Variants in NPSR1 observed in about 807,000 individuals in gnomAD.
NPSR1 encodes the protein neuropeptide S receptor 1.
NPSR1 carries 48 observed loss-of-function variants against 46.9 expected under a neutral mutation model. The ratio of observed to expected loss-of-function variants is 1.02; its 90% CI spans 0.81 to 1.30. The LOEUF (loss-of-function observed/expected upper bound fraction) is 1.30, where lower values mean the gene tolerates loss of function less well. NPSR1 is among the 50% of genes most tolerant of loss of function. The probability of loss-of-function intolerance (pLI) is 0.00; values close to 1 mark genes in which losing one functional copy is unlikely to be tolerated. For synonymous variants in NPSR1, 176 were observed against 168.1 expected (o/e 1.05, Z -0.36); for missense variants, 450 against 449.5 (o/e 1.00, Z -0.01).
At chr7:34,772,612 T>C (rs937948388) in intron 2 of NPSR1, among the ~76,000 whole-genome samples, 3 of 152,182 alleles carry the variant, frequency 2.0e-5, no homozygotes, top group African/African-American at 7.2e-5. Flanking sequence ...AACCAGGATG[T>C]ATGTCTGCAT....
chr7:34,736,576 GCTTACTTA>G (rs368092664), intron 2 of NPSR1, among the ~76,000 whole-genome samples: 1 of 151,614 alleles, frequency 6.6e-6, no homozygotes, highest in Non-Finnish European at 1.5e-5. Flanking sequence ...TACTCTCCTT[GCTTACTTA>G]CTTACTTACT....
At chr7:34,663,041 T>TTCTCTCTCTCTCTCTCTCTCTC (rs376420280) in intron 1 of NPSR1, among the ~76,000 whole-genome samples, 3,748 of 108,104 alleles carry the variant, frequency 0.035, 159 homozygotes, top group Admixed American at 0.078. Context: ...TGTAGTGCAT[T>TTCTCTCTCTCTCTCTCTCTCTC]TCTCTCTCTC....
Position 34,844,915 on chromosome 7 carries a change from C to G in NPSR1, c.777C>G (p.Ser259Arg). The change falls in exon 7 of 9, where the codon AGC becomes AGG. Residue 259 changes from serine to arginine, a missense_variant. Ser to Arg is a moderately radical substitution (Grantham distance 110). Coordinates refer to ENST00000360581, the MANE Select transcript of NPSR1 (RefSeq NM_207172.2). Reference protein sequence around the residue: ...SNCSDGKLCSSYNRGLISKAK... With the variant: ...SNCSDGKLCSRYNRGLISKAK... ...CTACAGATGGGAAACTGTGCAGCAG[C>G]TATAACCGAGGACTCATCTCAAAGG... 1 of 1,609,952 alleles carries G rather than the reference C, an allele frequency of 6.2e-7. No individual in the cohort carries two copies. The highest frequency in any genetic ancestry group is 8.5e-7 in the Non-Finnish European group (1 of 1,176,206).
intron 1 of NPSR1, among the ~76,000 whole-genome samples, chr7:34,658,851 G>C (rs532483973): frequency 1.3e-5 from 2 of 152,208 alleles, no homozygotes; most frequent in African/African-American, 4.8e-5. Context: ...CTTTCCTTAG[G>C]TGAAAGCACT....
At chr7:34,677,704 G>C (rs973882385) in intron 1 of NPSR1, among the ~76,000 whole-genome samples, 3 of 152,168 alleles carry the variant, frequency 2.0e-5, no homozygotes, top group African/African-American at 7.2e-5. Flanking sequence ...CCTTCCTGGG[G>C]AGGTCAGTAG....
At chr7:34,691,029 C>A (rs1379434183) in intron 2 of NPSR1, among the ~76,000 whole-genome samples, 1 of 152,178 alleles carries the variant, frequency 6.6e-6, no homozygotes, top group East Asian at 1.9e-4. Context: ...TAGTGGACTT[C>A]TCAGCAGAAA....
intron 3 of NPSR1, among the ~76,000 whole-genome samples, chr7:34,808,887 C>T (rs1788841174): frequency 6.6e-6 from 1 of 152,062 alleles, no homozygotes; most frequent in Non-Finnish European, 1.5e-5. Context: ...TTTACCCTGC[C>T]TTAAATGCCT....
chr7:34,702,274 A>G (rs547932980), intron 2 of NPSR1, among the ~76,000 whole-genome samples: 1 of 152,384 alleles, frequency 6.6e-6, no homozygotes. Context: ...TGGCATTGCC[A>G]GAATTCCCAC....
rs766703174 is a variant in NPSR1 at position 34,849,883 on chromosome 7, A to T, written c.*228A>T. The T allele has an allele frequency of 7.7e-7, 1 of 1,301,800 alleles. No individual in the cohort carries two copies. Among genetic ancestry groups the T allele is most frequent in the Admixed American group, 3.5e-5 (1 of 28,818 alleles). The allele number at this position is 1,301,800 out of a possible 1,614,324, so 80.6% of individuals were successfully genotyped here. On this transcript the variant is annotated 3_prime_UTR_variant, in exon 9 of 9. Transcript: ENST00000360581. ...CAGGAAGGAAACGCCTTCCTTCCCC[A>T]CCATTCCCAGCCCTCCTTCCCACTG...
Position 34,684,645 on chromosome 7 carries a change from T to G in NPSR1, c.241T>G (p.Ser81Ala), listed in dbSNP as rs1457600695. 1 of 1,613,620 alleles carries G rather than the reference T, an allele frequency of 6.2e-7. No homozygotes were observed. The highest frequency in any genetic ancestry group is 2.2e-5 in the East Asian group (1 of 44,838). ...LFSTWRRKKKSRMTFFVTQLA... is the reference protein window; with the variant it reads ...LFSTWRRKKKARMTFFVTQLA... ...TTCCACATGGAGGAGAAAGAAGAAG[T>G]CAAGAATGACCTTCTTTGTGACTCA... Residue 81 changes from serine to alanine, a missense_variant, in exon 2 of 9, where the codon TCA becomes GCA. Coordinates refer to ENST00000360581, the MANE Select transcript of NPSR1 (RefSeq NM_207172.2).
intron 8 of NPSR1, among the ~76,000 whole-genome samples, chr7:34,868,206 T>C (rs530049955): frequency 1.6e-4 from 25 of 151,772 alleles, no homozygotes; most frequent in East Asian, 1.4e-3. Flanking sequence ...CTTTCAGCGA[T>C]AGCCAAAAGT....
intron 3 of NPSR1, among the ~76,000 whole-genome samples, chr7:34,784,026 G>C (rs913655536): frequency 3.3e-5 from 5 of 150,126 alleles, no homozygotes; most frequent in Non-Finnish European, 7.4e-5. Flanking sequence ...TCAAGCTAAA[G>C]GAAAAAAAAA....
At chr7:34,865,313 C>A (rs896077669) in intron 8 of NPSR1, among the ~76,000 whole-genome samples, 5 of 151,786 alleles carry the variant, frequency 3.3e-5, no homozygotes, top group African/African-American at 9.7e-5. Context: ...AGGGCTGATG[C>A]GGGACAGGTT....
chr7:34,874,012 G>A (rs1021146551), intron 8 of NPSR1, among the ~76,000 whole-genome samples: 3 of 151,618 alleles, frequency 2.0e-5, no homozygotes, highest in Admixed American at 2.0e-4. Context: ...GTTAGAGCTG[G>A]CAAGAGCCCT....
chr7:34,734,383 A>G (rs1017545958), intron 2 of NPSR1, among the ~76,000 whole-genome samples: 3 of 152,342 alleles, frequency 2.0e-5, no homozygotes, highest in Admixed American at 2.0e-4. Flanking sequence ...TTTAGAAAAC[A>G]GATGATGACT....
rs570710998 is a variant in NPSR1, at chr7:34,849,155, G to A, written c.1026-410G>A. Among the ~76,000 whole-genome samples the A allele has an allele frequency of 6.6e-5, 10 of 152,352 alleles. No homozygotes were observed. The South Asian group carries it at 1.7e-3, about 25-fold the overall frequency. On this transcript the variant is annotated intron_variant, in intron 8 of 8. Coordinates refer to ENST00000360581, the MANE Select transcript of NPSR1 (RefSeq NM_207172.2). ...GCTGTTTTCCTGCATAAGCCACAGA[G>A]GGTAGGTGGAGAATTCCATAGGAGA...
At chr7:34,811,632 T>G in intron 3 of NPSR1, 138 bp from the exon 4 acceptor site, 1 of 572,296 alleles carries the variant, frequency 1.7e-6, no homozygotes, top group Non-Finnish European at 3.1e-6. Flanking sequence ...AGAGAGTTAT[T>G]TCCCTTCCTA....
At chr7:34,750,689 T>C in intron 2 of NPSR1, 2 of 702,408 alleles carry the variant, frequency 2.8e-6, no homozygotes, top group South Asian at 2.8e-5. Flanking sequence ...GATGGACTCA[T>C]CTGACAGTTT....
chr7:34,867,647 G>A (rs544981400), intron 8 of NPSR1, among the ~76,000 whole-genome samples: 1 of 152,008 alleles, frequency 6.6e-6, no homozygotes, highest in South Asian at 2.1e-4. Flanking sequence ...AGGAGCAACA[G>A]GGATGATTGA....
Sources: gnomAD v4.1 joint callset for allele counts (sites outside exome capture counted in the v4.1 genomes callset) on GRCh38, gnomAD v4.1.1 for gene constraint, MANE v1.5 for transcripts, NCBI Gene and HGNC (gene_info 2026-07-23, HGNC 2026-07-21) for gene names.